Variants in ILDR1 observed in about 807,000 individuals in gnomAD.
The protein encoded by ILDR1 is immunoglobulin like domain containing receptor 1, also known as immunoglobulin-like domain-containing receptor 1.
In ILDR1, 56 loss-of-function variants were observed where a neutral mutation model predicts 62.4. The observed-to-expected ratio is 0.90, with a 90% CI of 0.72 to 1.12. The LOEUF is 1.12. ILDR1 is among the 50% of genes most tolerant of loss of function. The probability of loss-of-function intolerance (pLI) is 0.00; values close to 1 mark genes in which losing one functional copy is unlikely to be tolerated. For synonymous variants in ILDR1, 284 were observed against 277.8 expected (o/e 1.02, Z -0.22); for missense variants, 736 against 710.6 (o/e 1.04, Z -0.41).
At chr3:122,021,319 G>A (rs541758893) in intron 1 of ILDR1, among the ~76,000 whole-genome samples, 1 of 152,262 alleles carries the variant, frequency 6.6e-6, no homozygotes, top group East Asian at 1.9e-4. Context: ...GGTTTCACTC[G>A]TGGAGATACA....
rs565429239 is a variant in ILDR1, at chr3:122,008,549, A to G, written c.59-1388T>C. On this transcript the variant is annotated intron_variant, in intron 1 of 7. Transcript: ENST00000344209. ...TCCGTAGGACTTGGGTGAGGCCCAG[A>G]GACACGCATTTTTTATTTCTTTTCT... Among the ~76,000 whole-genome samples, 4 of 151,414 alleles carry G rather than the reference A, an allele frequency of 2.6e-5. No individual in the cohort carries two copies. The East Asian group carries it at 7.8e-4, about 29-fold the overall frequency.
intron 1 of ILDR1, among the ~76,000 whole-genome samples, chr3:122,015,843 T>C (rs2071769319): frequency 1.3e-5 from 2 of 152,202 alleles, no homozygotes; most frequent in South Asian, 4.1e-4. Flanking sequence ...ACTACTATCC[T>C]AGCACAAGCT....
At chr3:122,006,421 G>A (rs1325285833) in intron 2 of ILDR1, among the ~76,000 whole-genome samples, 1 of 152,148 alleles carries the variant, frequency 6.6e-6, no homozygotes, top group Non-Finnish European at 1.5e-5. Context: ...TTACTGAAAG[G>A]CAGGACTGGC....
the ILDR1 span, among the ~76,000 whole-genome samples, chr3:122,060,119 G>A: frequency 6.6e-6 from 1 of 152,224 alleles, no homozygotes; most frequent in Non-Finnish European, 1.5e-5. Flanking sequence ...GAAAGAAGCT[G>A]TGAATAAGTG....
At chr3:121,991,312 T>G (rs2071342219) in intron 7 of ILDR1, among the ~76,000 whole-genome samples, 1 of 152,198 alleles carries the variant, frequency 6.6e-6, no homozygotes, top group African/African-American at 2.4e-5. Context: ...ATAATTTAAC[T>G]TACAGAAAAT....
the ILDR1 span, among the ~76,000 whole-genome samples, chr3:122,057,768 C>T: frequency 5.9e-5 from 9 of 152,166 alleles, no homozygotes; most frequent in Non-Finnish European, 8.8e-5. Context: ...CCACTCTACC[C>T]ATAACTCATT....
chr3:122,044,588 T>C, the ILDR1 span, among the ~76,000 whole-genome samples: 3 of 151,736 alleles, frequency 2.0e-5, no homozygotes, highest in East Asian at 5.8e-4. Flanking sequence ...ATTGCCACAA[T>C]TTCAGCTCCT....
At chr3:122,055,614 GAGA>G in the ILDR1 span, 1 of 973,098 alleles carries the variant, frequency 1.0e-6, no homozygotes, top group East Asian at 2.4e-5. Context: ...TTCCTAAGTG[GAGA>G]AGCTTTCTTT....
At chr3:122,001,175 C>T in intron 5 of ILDR1, 133 bp downstream of exon 5, 1 of 1,059,574 alleles carries the variant, frequency 9.4e-7, no homozygotes, top group Non-Finnish European at 1.4e-6. Flanking sequence ...AGGCTAATGT[C>T]CTCTGTCCCT....
In ILDR1 at chr3:122,011,677, T is replaced by TTCACACACACACACACACA. The variant is rs139879742; in HGVS notation, c.59-4517_59-4516insTGTGTGTGTGTGTGTGTGA. Among the ~76,000 whole-genome samples the TTCACACACACACACACACA allele has an allele frequency of 1.2e-3, 158 of 133,226 alleles. 1 individual carries two copies. Among genetic ancestry groups the TTCACACACACACACACACA allele is most frequent in the African/African-American group, 3.8e-3 (129 of 33,872 alleles). The allele number at this position is 133,226 out of a possible 152,430, so 87.4% of individuals were successfully genotyped here. A position where few individuals can be genotyped will look rare whatever the true frequency, so the allele number is the denominator to read the frequency against. ...CTTTCTCTCTCTCTCTCTCTCTCTT[T>TTCACACACACACACACACA]CACACACACACACACACACGGGAAG... is the stretch of plus-strand genomic sequence containing the variant. On this transcript the variant is annotated intron_variant, in intron 1 of 7. Coordinates refer to ENST00000344209, the MANE Select transcript of ILDR1 (RefSeq NM_001199799.2).
chr3:122,031,827 G>A, the ILDR1 span, among the ~76,000 whole-genome samples: 1 of 152,146 alleles, frequency 6.6e-6, no homozygotes, highest in Admixed American at 6.5e-5. Context: ...GTTTTTTATA[G>A]CAGCCCAAAT....
At chr3:122,040,638 G>A in the ILDR1 span, among the ~76,000 whole-genome samples, 2 of 146,924 alleles carry the variant, frequency 1.4e-5, no homozygotes, top group Non-Finnish European at 3.0e-5. Context: ...ACAGTCAAGT[G>A]ATATTTGACA....
At chr3:122,036,858 A>G in the ILDR1 span, among the ~76,000 whole-genome samples, 1 of 152,066 alleles carries the variant, frequency 6.6e-6, no homozygotes, top group African/African-American at 2.4e-5. Flanking sequence ...CCAGGGCCCA[A>G]CTCCTCTGTG....
Position 122,001,734 on chromosome 3 carries a change from G to A in ILDR1, c.499+11C>T. On this transcript the variant is annotated intron_variant, in intron 4 of 7. Transcript: ENST00000344209. Reference sequence around the variant, plus strand: ...GAGGGTGACTGAATAGAAAGCTCCAGTAGCACTTACGTAGGACGATGAGCT... The same window carrying A: ...GAGGGTGACTGAATAGAAAGCTCCAATAGCACTTACGTAGGACGATGAGCT... The A allele has an allele frequency of 6.2e-7, 1 of 1,612,178 alleles. No homozygotes were observed. The highest frequency in any genetic ancestry group is 8.5e-7 in the Non-Finnish European group (1 of 1,179,764).
rs142396206 is a variant in ILDR1, at chr3:122,011,654, T to TTC, written c.59-4495_59-4494dup. 2.0e-3 allele frequency among the ~76,000 whole-genome samples: 135 copies of TTC among 67,688 alleles called. 2 individuals are homozygous for TTC. Among genetic ancestry groups the TTC allele is most frequent in the Non-Finnish European group, 3.5e-3 (107 of 30,966 alleles). 44.4% of individuals were successfully genotyped at this position (67,688 alleles called of 152,430 possible). A position where few individuals can be genotyped will look rare whatever the true frequency, so the allele number is the denominator to read the frequency against. The stretch of plus-strand genomic sequence containing the variant: ...CGTCCACCCCCTGCCCTGTCTCTCT[T>TTC]TCTCTCTCTCTCTCTCTCTCTTTCA... On this transcript the variant is annotated intron_variant, in intron 1 of 7. Transcript: ENST00000344209.
chr3:122,054,700 G>A, the ILDR1 span, among the ~76,000 whole-genome samples: 1 of 151,994 alleles, frequency 6.6e-6, no homozygotes, highest in South Asian at 2.1e-4. Flanking sequence ...TCTAGATGAT[G>A]CCCATTTTAA....
intron 1 of ILDR1, among the ~76,000 whole-genome samples, chr3:122,021,762 G>A (rs994914696): frequency 3.3e-5 from 5 of 152,228 alleles, no homozygotes; most frequent in African/African-American, 1.2e-4. Context: ...AATGACTGCA[G>A]GAACGAAAGT....
At chr3:122,050,959 C>T in the ILDR1 span, among the ~76,000 whole-genome samples, 1 of 152,148 alleles carries the variant, frequency 6.6e-6, no homozygotes, top group Non-Finnish European at 1.5e-5. Context: ...ATACCTCATC[C>T]CATTCCCTTT....
chr3:121,994,154 C>A (rs559230880), intron 6 of ILDR1, 28 bp downstream of exon 6: 3 of 1,535,344 alleles, frequency 2.0e-6, no homozygotes, highest in African/African-American at 2.7e-5. Context: ...TCTGCCCTCC[C>A]CTATCCCAAA....
Sources: gnomAD v4.1 joint callset for allele counts (sites outside exome capture counted in the v4.1 genomes callset) on GRCh38, gnomAD v4.1.1 for gene constraint, MANE v1.5 for transcripts, NCBI Gene and HGNC (gene_info 2026-07-23, HGNC 2026-07-21) for gene names.